The following PBX1 variants were observed in gnomAD, a reference collection of about 807,000 sequenced individuals.
PBX1 encodes PBX homeobox 1.
PBX1 carries 6 observed loss-of-function variants against 53.4 expected under a neutral mutation model. That is an observed-to-expected ratio of 0.11 (90% CI 0.06 to 0.22). PBX1 has a LOEUF of 0.22. Ranked by LOEUF, PBX1 falls within the 10% of genes least tolerant of loss-of-function variation. The pLI is 1.00. For synonymous variants in PBX1, 204 were observed against 212.3 expected, an observed-to-expected ratio of 0.96 and a Z score of 0.34; for missense variants, 251 against 551.4, an observed-to-expected ratio of 0.46 and a Z score of 5.46.
chr1:164,633,828 G>C (rs1658571667), intron 2 of PBX1, among the ~76,000 whole-genome samples: 1 of 152,178 alleles, frequency 6.6e-6, no homozygotes, highest in Non-Finnish European at 1.5e-5. Context: ...ATCTGCCTCG[G>C]AGTTAATACA....
intron 2 of PBX1, among the ~76,000 whole-genome samples, chr1:164,781,957 T>G (rs1571396546): frequency 6.6e-6 from 1 of 152,326 alleles, no homozygotes; most frequent in African/African-American, 2.4e-5. Context: ...CCTTCTAGAT[T>G]TTTATCTTAT....
At chr1:164,780,374 A>C (rs1289368422) in intron 2 of PBX1, among the ~76,000 whole-genome samples, 2 of 152,176 alleles carry the variant, frequency 1.3e-5, no homozygotes, top group African/African-American at 4.8e-5. Flanking sequence ...ATTTACTTGA[A>C]ATCTACTTCT....
At position 164,699,355 on chromosome 1, in the gene PBX1, C is replaced by T. The variant is rs941373306; in HGVS notation, c.266-93139C>T. ...AAGTGATTTATTTTTCAGTAGTTAA[C>T]GTTTTTGTGCCTTTCTACCTGCTCG... is the stretch of plus-strand genomic sequence containing the variant. On this transcript the variant is annotated intron_variant, in intron 2 of 8. Coordinates refer to ENST00000420696, the MANE Select transcript of PBX1 (RefSeq NM_002585.4). Among the ~76,000 whole-genome samples, 6 of 152,276 alleles carry T rather than the reference C, an allele frequency of 3.9e-5. No individual in the cohort carries two copies. In the East Asian group the frequency reaches 5.8e-4, roughly 15 times the overall value.
intron 2 of PBX1, among the ~76,000 whole-genome samples, chr1:164,736,005 T>A (rs1235225944): frequency 6.6e-6 from 1 of 151,956 alleles, no homozygotes; most frequent in African/African-American, 2.4e-5. Context: ...ATGTGAGCAA[T>A]CCTCCATCTC....
intron 3 of PBX1, among the ~76,000 whole-genome samples, chr1:164,795,199 G>A (rs1432950491): frequency 6.6e-6 from 1 of 152,150 alleles, no homozygotes; most frequent in Non-Finnish European, 1.5e-5. Context: ...AGATGTGGTG[G>A]AGGTCACACA....
chr1:164,708,521 G>GA (rs1375246698), intron 2 of PBX1, among the ~76,000 whole-genome samples: 2 of 152,142 alleles, frequency 1.3e-5, no homozygotes, highest in East Asian at 3.8e-4. Flanking sequence ...CAGCACTCAA[G>GA]AGAGTGTTTT....
chr1:164,571,653 A>T (rs1018796714), intron 2 of PBX1, among the ~76,000 whole-genome samples: 4 of 149,264 alleles, frequency 2.7e-5, no homozygotes, highest in African/African-American at 1.0e-4. Flanking sequence ...TCCATTTTTG[A>T]CTATTATGAA....
chr1:164,655,100 G>GTTTTTTTTTTTTTTTTTTTTT (rs35954587), intron 2 of PBX1, among the ~76,000 whole-genome samples: 1 of 138,822 alleles, frequency 7.2e-6, no homozygotes, highest in Non-Finnish European at 1.5e-5. Flanking sequence ...TCTGATGTGT[G>GTTTTTTTTTTTTTTTTTTTTT]TTTTTTTTTT....
chr1:164,714,202 A>C (rs1276779108), intron 2 of PBX1, among the ~76,000 whole-genome samples: 1 of 152,240 alleles, frequency 6.6e-6, no homozygotes, highest in Non-Finnish European at 1.5e-5. Flanking sequence ...TAACTCAATA[A>C]AGAAATCTTT....
intron 2 of PBX1, among the ~76,000 whole-genome samples, chr1:164,617,911 C>T (rs377488228): frequency 1.3e-5 from 2 of 151,758 alleles, no homozygotes; most frequent in Non-Finnish European, 2.9e-5. Context: ...CTTTTTTTTG[C>T]CCTATATTTT....
rs528876002 is a variant in PBX1, at chr1:164,707,418, TGAGAGAGA to T, written c.266-85045_266-85038del. Reference sequence around the variant, plus strand: ...AGGTGTGTGTGTGTGTGTGTGTGTGTGAGAGAGAGAGAGAGAGAGAGAGAGAGAGAGAG... The same window carrying T: ...AGGTGTGTGTGTGTGTGTGTGTGTGTGAGAGAGAGAGAGAGAGAGAGAGAG... On this transcript the variant is annotated intron_variant, in intron 2 of 8. Coordinates refer to ENST00000420696, the MANE Select transcript of PBX1 (RefSeq NM_002585.4). Among the ~76,000 whole-genome samples the T allele has an allele frequency of 1.2e-3, 143 of 118,258 alleles. 4 individuals carry two copies. Among genetic ancestry groups the T allele is most frequent in the East Asian group, 9.9e-3 (44 of 4,454 alleles). 77.6% of individuals were successfully genotyped at this position (118,258 alleles called of 152,430 possible).
At chr1:164,842,692 A>G (rs1455302047) in intron 8 of PBX1, among the ~76,000 whole-genome samples, 1 of 152,116 alleles carries the variant, frequency 6.6e-6, no homozygotes, top group East Asian at 1.9e-4. Context: ...CTGAGTGCAA[A>G]TGTAGACACT....
At chr1:164,852,954 A>T (rs1376785922), downstream of PBX1, among the ~76,000 whole-genome samples, 1 of 152,194 alleles carries the variant, frequency 6.6e-6, no homozygotes. Flanking sequence ...GGGCTAACTC[A>T]CCCACCTAGT....
At position 164,849,051 on chromosome 1, in the gene PBX1, T is replaced by G. The variant is rs1671702787; in HGVS notation, c.*2375T>G. 1 of 1,270,116 alleles carries G rather than the reference T, an allele frequency of 7.9e-7. No homozygotes were observed. Among genetic ancestry groups the G allele is most frequent in the Non-Finnish European group, 1.0e-6 (1 of 1,001,462 alleles). 78.7% of individuals were successfully genotyped at this position (1,270,116 alleles called of 1,614,324 possible). On this transcript the variant is annotated 3_prime_UTR_variant, in exon 9 of 9. Coordinates refer to ENST00000420696, the MANE Select transcript of PBX1 (RefSeq NM_002585.4). ...ATAGTGATTAGAATCAGTGGAGAAC[T>G]CCATCTTAGTGGCAGGAATATAATG... is the stretch of plus-strand genomic sequence containing the variant.
intron 2 of PBX1, among the ~76,000 whole-genome samples, chr1:164,656,422 T>G (rs1280851104): frequency 6.6e-6 from 1 of 152,192 alleles, no homozygotes; most frequent in Non-Finnish European, 1.5e-5. Context: ...ATCTGCATTC[T>G]TCTTATTAAT....
Position 164,559,917 on chromosome 1 carries a change from G to A in PBX1, c.95G>A (p.Gly32Glu), listed in dbSNP as rs1433807647. 11 of 1,549,026 alleles carry A rather than the reference G, an allele frequency of 7.1e-6. No homozygotes were observed. Among genetic ancestry groups the A allele is most frequent in the Non-Finnish European group, 9.6e-6 (11 of 1,145,816 alleles). Residue 32 changes from glycine to glutamate, a missense_variant, in exon 1 of 9, where the codon GGG becomes GAG. Physicochemically the swap from Gly to Glu is moderately conservative, Grantham distance 98 (BLOSUM62 -2). Around this residue, in one of 4 missense-constraint regions of PBX1, gnomAD observed 63 missense variants for 78.7 expected, o/e 0.80. Coordinates refer to ENST00000420696, the MANE Select transcript of PBX1 (RefSeq NM_002585.4). ...LSQHLQDGAG[G>E]TEGEGGRKQD... ...CAGCACTTGCAGGATGGGGCCGGAG[G>A]GACCGAGGGGGAGGGCGGGAGGAAG...
intron 2 of PBX1, among the ~76,000 whole-genome samples, chr1:164,773,317 C>G (rs77461406): frequency 6.6e-6 from 1 of 151,032 alleles, no homozygotes; most frequent in Non-Finnish European, 1.5e-5. Context: ...ACTGTCAGAT[C>G]GTAACCTGAT....
chr1:164,884,350 A>G (rs1672729521), intron 2 of PBX1, among the ~76,000 whole-genome samples: 1 of 152,188 alleles, frequency 6.6e-6, no homozygotes, highest in Non-Finnish European at 1.5e-5. Context: ...TGAATCATCT[A>G]GGTCCAGGCC....
intron 2 of PBX1, among the ~76,000 whole-genome samples, chr1:164,721,063 G>C (rs1010460440): frequency 6.6e-6 from 1 of 152,160 alleles, no homozygotes; most frequent in African/African-American, 2.4e-5. Flanking sequence ...GAAGATGGCC[G>C]AGCAAGCAAG....
Sources: gnomAD v4.1 joint callset for allele counts (sites outside exome capture counted in the v4.1 genomes callset) on GRCh38, gnomAD v4.1.1 for gene constraint, gnomAD v4.1.1 regional missense constraint, MANE v1.5 for transcripts, NCBI Gene and HGNC (gene_info 2026-07-23, HGNC 2026-07-21) for gene names.